FXYD6: variants seen among roughly 807,000 people sequenced by gnomAD.
The protein encoded by FXYD6 is FXYD domain containing ion transport regulator 6, also known as FXYD domain-containing ion transport regulator 6.
In FXYD6, 7 loss-of-function variants were observed where a neutral mutation model predicts 16.7. The observed-to-expected ratio is 0.42, with a 90% CI of 0.24 to 0.79. The LOEUF is 0.79. Among genes scored for constraint, FXYD6 ranks in the 30% least tolerant of loss-of-function variants. The pLI, the probability that FXYD6 is intolerant of heterozygous loss-of-function variation, is 0.28. For synonymous variants in FXYD6, 49 were observed against 43.0 expected, an observed-to-expected ratio of 1.14 and a Z score of -0.54; for missense variants, 111 against 116.2, an observed-to-expected ratio of 0.95 and a Z score of 0.21.
At chr11:117,845,665 C>A (rs2056451940) in intron 1 of FXYD6, among the ~76,000 whole-genome samples, 1 of 152,160 alleles carries the variant, frequency 6.6e-6, no homozygotes, top group Non-Finnish European at 1.5e-5. Flanking sequence ...TATGCTATTA[C>A]AAATAGAGTT....
intron 1 of FXYD6, among the ~76,000 whole-genome samples, chr11:117,854,738 G>A (rs1179280214): frequency 2.0e-5 from 3 of 152,178 alleles, no homozygotes; most frequent in South Asian, 2.1e-4. Flanking sequence ...ACATTCCAGC[G>A]GAACCTTAAG....
intron 5 of FXYD6, 26 bp downstream of exon 5, chr11:117,841,122 C>A (rs371561766): frequency 1.9e-6 from 3 of 1,613,976 alleles, no homozygotes; most frequent in Non-Finnish European, 8.5e-7. Context: ...ATCACCCCCC[C>A]AAGGCCACTG....
At position 117,838,174 on chromosome 11, in the gene FXYD6, T is replaced by A. The variant is rs910046257; in HGVS notation, c.*125A>T. The A allele has an allele frequency of 1.6e-5, 11 of 701,718 alleles. No homozygotes were observed. In the Admixed American group the frequency reaches 2.2e-4, roughly 14 times the overall value. 43.5% of individuals were successfully genotyped at this position (701,718 alleles called of 1,614,324 possible). On this transcript the variant is annotated 3_prime_UTR_variant, in exon 8 of 8. Coordinates refer to ENST00000526014, the MANE Select transcript of FXYD6 (RefSeq NM_022003.4). ...GGGGATAGGGTGGGGGACACACAAG[T>A]TCTTGGCTTCTCCTGGGGAAAGGGC...
At chr11:117,855,071 G>C (rs770803457) in intron 1 of FXYD6, among the ~76,000 whole-genome samples, 2 of 152,188 alleles carry the variant, frequency 1.3e-5, no homozygotes, top group Non-Finnish European at 2.9e-5. Flanking sequence ...TTCCAAAACA[G>C]TGAACAACCC....
intron 1 of FXYD6, among the ~76,000 whole-genome samples, chr11:117,864,380 G>A (rs1415595484): frequency 6.6e-6 from 1 of 152,186 alleles, no homozygotes; most frequent in African/African-American, 2.4e-5. Flanking sequence ...AGGAAAACCA[G>A]ATGTACACAT....
intron 1 of FXYD6, among the ~76,000 whole-genome samples, chr11:117,846,459 C>T (rs2056472295): frequency 6.6e-6 from 1 of 152,168 alleles, no homozygotes; most frequent in Non-Finnish European, 1.5e-5. Context: ...TCCTTTGTCA[C>T]CCTGAGGTCA....
intron 1 of FXYD6, among the ~76,000 whole-genome samples, chr11:117,875,531 T>G (rs1001054945): frequency 6.6e-6 from 1 of 152,196 alleles, no homozygotes; most frequent in East Asian, 1.9e-4. Context: ...AAAGGCTAAG[T>G]TGCGGACGTA....
intron 1 of FXYD6, 88 bp downstream of exon 1, chr11:117,876,504 C>T (rs1591604185): frequency 6.6e-6 from 1 of 152,600 alleles, no homozygotes; most frequent in East Asian, 1.9e-4. Flanking sequence ...AAACCCGGCG[C>T]TCCCGGCGCT....
At chr11:117,845,347 A>G (rs2056445995) in intron 1 of FXYD6, among the ~76,000 whole-genome samples, 1 of 152,242 alleles carries the variant, frequency 6.6e-6, no homozygotes, top group Admixed American at 6.5e-5. Flanking sequence ...ATGGCTGAAT[A>G]ATATTCCACT....
intron 1 of FXYD6, among the ~76,000 whole-genome samples, chr11:117,871,458 CG>C (rs993962634): frequency 1.8e-5 from 1 of 54,798 alleles, no homozygotes; most frequent in African/African-American, 7.3e-5. Flanking sequence ...GTGGAGCGGG[CG>C]GGGTGGGAGG....
chr11:117,851,695 C>A (rs1322366981), intron 1 of FXYD6, among the ~76,000 whole-genome samples: 2 of 152,162 alleles, frequency 1.3e-5, no homozygotes, highest in South Asian at 2.1e-4. Flanking sequence ...GAACATCTTT[C>A]AAAATTTTCT....
At chr11:117,858,640 T>TTTCCTTCTTTCC (rs201196476) in intron 1 of FXYD6, among the ~76,000 whole-genome samples, 2 of 33,450 alleles carry the variant, frequency 6.0e-5, no homozygotes, top group African/African-American at 2.2e-4. Flanking sequence ...TTTTTCTTTC[T>TTTCCTTCTTTCC]TTCTTTCTTT....
intron 1 of FXYD6, among the ~76,000 whole-genome samples, chr11:117,873,127 GA>G (rs2057176311): frequency 6.6e-6 from 1 of 152,060 alleles, no homozygotes; most frequent in Non-Finnish European, 1.5e-5. Flanking sequence ...CAGCCCTAAA[GA>G]AAAAAACTTG....
At chr11:117,867,002 G>A (rs912980656) in intron 1 of FXYD6, among the ~76,000 whole-genome samples, 11 of 152,132 alleles carry the variant, frequency 7.2e-5, no homozygotes, top group Admixed American at 1.3e-4. Context: ...TAAATGTCAC[G>A]GCATCACTAC....
intron 1 of FXYD6, among the ~76,000 whole-genome samples, chr11:117,851,564 C>T (rs2056611489): frequency 6.6e-6 from 1 of 152,228 alleles, no homozygotes; most frequent in Non-Finnish European, 1.5e-5. Flanking sequence ...TTTTAGGCTG[C>T]TGAGTTTGGA....
intron 1 of FXYD6, chr11:117,844,209 T>G (rs2056421897): frequency 6.6e-6 from 1 of 152,438 alleles, no homozygotes; most frequent in Non-Finnish European, 1.5e-5. Flanking sequence ...GCCCAAACCT[T>G]GATTCAAAAA....
chr11:117,861,072 A>G (rs1425559100), intron 1 of FXYD6, among the ~76,000 whole-genome samples: 1 of 152,114 alleles, frequency 6.6e-6, no homozygotes, highest in African/African-American at 2.4e-5. Flanking sequence ...GGCTTCTCAG[A>G]GTCTTGGCTT....
intron 1 of FXYD6, among the ~76,000 whole-genome samples, chr11:117,845,375 GCT>G (rs2056446582): frequency 6.6e-6 from 1 of 152,048 alleles, no homozygotes; most frequent in African/African-American, 2.4e-5. Flanking sequence ...TATTCACCTT[GCT>G]CTTTGTCTTA....
At chr11:117,876,990 A>G (rs889890042), upstream of FXYD6, 5 of 152,258 alleles carry the variant, frequency 3.3e-5, no homozygotes, top group East Asian at 1.9e-4. Flanking sequence ...GGAGGCGTGC[A>G]AGCGCCGGAG....
Sources: gnomAD v4.1 joint callset for allele counts (sites outside exome capture counted in the v4.1 genomes callset) on GRCh38, gnomAD v4.1.1 for gene constraint, MANE v1.5 for transcripts, NCBI Gene and HGNC (gene_info 2026-07-23, HGNC 2026-07-21) for gene names.